The following FAM135B variants were observed in gnomAD, a reference collection of about 807,000 sequenced individuals.
FAM135B encodes the protein protein FAM135B.
Under a neutral mutation model 127.7 loss-of-function variants are expected in FAM135B, and 43 were observed. That is an observed-to-expected ratio of 0.34 (90% confidence interval 0.26 to 0.43). The LOEUF (loss-of-function observed/expected upper bound fraction) is 0.43. Ranked by LOEUF, FAM135B falls within the 20% of genes least tolerant of loss-of-function variation. The pLI, the probability that FAM135B is intolerant of heterozygous loss-of-function variation, is 1.00. For synonymous variants in FAM135B, 670 were observed against 665.1 expected (o/e 1.01, Z -0.11); for missense variants, 1,558 against 1,725.6 (o/e 0.90, Z 1.72).
rs532840649 is a variant in FAM135B, at chr8:138,421,264, G to A, written c.-19-53262C>T. Among the ~76,000 whole-genome samples the A allele has an allele frequency of 6.6e-5, 10 of 152,254 alleles. No individual in the cohort carries two copies. In the South Asian group the frequency reaches 1.9e-3, roughly 28 times the overall value. ...GGAGGCAGAGCTTGCAGTGAGCCAC[G>A]ATTGCACCACTGCATTCCAGCCAGG... On this transcript the variant is annotated intron_variant, in intron 1 of 19. Transcript: ENST00000395297.
intron 3 of FAM135B, among the ~76,000 whole-genome samples, chr8:138,304,308 A>G (rs1389359399): frequency 6.6e-6 from 1 of 152,162 alleles, no homozygotes; most frequent in African/African-American, 2.4e-5. Flanking sequence ...TAATTATTGG[A>G]CAAAATGCTT....
chr8:138,275,627 C>T (rs540181893), intron 3 of FAM135B, among the ~76,000 whole-genome samples: 4 of 152,096 alleles, frequency 2.6e-5, no homozygotes, highest in Middle Eastern at 3.4e-3. Context: ...CCCAGGAATT[C>T]GAGGCTGCAG....
At chr8:138,283,336 T>G (rs1824415615) in intron 3 of FAM135B, among the ~76,000 whole-genome samples, 1 of 152,164 alleles carries the variant, frequency 6.6e-6, no homozygotes, top group African/African-American at 2.4e-5. Context: ...TACTTATTAC[T>G]AATTGAAATA....
At chr8:138,190,348 C>T (rs1228147067) in intron 9 of FAM135B, among the ~76,000 whole-genome samples, 1 of 152,192 alleles carries the variant, frequency 6.6e-6, no homozygotes, top group African/African-American at 2.4e-5. Flanking sequence ...GTTGGCTGGA[C>T]ATGCCTCAGT....
intron 12 of FAM135B, among the ~76,000 whole-genome samples, chr8:138,153,813 C>A (rs1057103636): frequency 6.6e-6 from 1 of 152,142 alleles, no homozygotes; most frequent in African/African-American, 2.4e-5. Context: ...TGGAGCCCAC[C>A]ACAGCTAAAG....
At chr8:138,307,916 C>T (rs557378648) in intron 3 of FAM135B, among the ~76,000 whole-genome samples, 4 of 151,942 alleles carry the variant, frequency 2.6e-5, no homozygotes, top group African/African-American at 9.7e-5. Flanking sequence ...TCTTTTTTCC[C>T]GTCAGAAATG....
At chr8:138,408,149 A>T (rs956662283) in intron 1 of FAM135B, among the ~76,000 whole-genome samples, 2 of 152,232 alleles carry the variant, frequency 1.3e-5, no homozygotes, top group Non-Finnish European at 2.9e-5. Flanking sequence ...AGCCCCTAAC[A>T]AAAGACGTCA....
intron 7 of FAM135B, among the ~76,000 whole-genome samples, chr8:138,233,274 A>C (rs1820034508): frequency 6.6e-6 from 1 of 152,192 alleles, no homozygotes. Context: ...TAAACTCACC[A>C]AATTGTAGAC....
chr8:138,221,934 C>T (rs945896922), intron 7 of FAM135B, among the ~76,000 whole-genome samples: 4 of 152,162 alleles, frequency 2.6e-5, no homozygotes, highest in African/African-American at 9.7e-5. Context: ...TACAAAACTA[C>T]TAGGCATACA....
chr8:138,473,066 T>C (rs1837775280), intron 1 of FAM135B, among the ~76,000 whole-genome samples: 1 of 152,126 alleles, frequency 6.6e-6, no homozygotes, highest in African/African-American at 2.4e-5. Flanking sequence ...CTGAGATGAA[T>C]TATTTCTTCT....
chr8:138,355,727 G>A (rs1830054105), intron 2 of FAM135B, among the ~76,000 whole-genome samples: 1 of 152,168 alleles, frequency 6.6e-6, no homozygotes. Flanking sequence ...TTCCTCCTGA[G>A]AGTACCGCTC....
At chr8:138,473,642 G>T (rs1301801884) in intron 1 of FAM135B, among the ~76,000 whole-genome samples, 1 of 152,134 alleles carries the variant, frequency 6.6e-6, no homozygotes, top group Non-Finnish European at 1.5e-5. Flanking sequence ...ATTTCCTAAA[G>T]GCTCTCTAGA....
At chr8:138,158,594 AG>A (rs767717542) in intron 12 of FAM135B, among the ~76,000 whole-genome samples, 1 of 152,240 alleles carries the variant, frequency 6.6e-6, no homozygotes, top group Non-Finnish European at 1.5e-5. Context: ...CAAATTTACA[AG>A]AAAAAATCAA....
In FAM135B at chr8:138,262,568, T is replaced by C. The variant is rs186550474; in HGVS notation, c.297+3135A>G. 2.6e-5 allele frequency among the ~76,000 whole-genome samples: 4 copies of C among 152,186 alleles called. No individual in the cohort carries two copies. The East Asian group carries it at 5.8e-4, about 22-fold the overall frequency. On this transcript the variant is annotated intron_variant, in intron 4 of 19. Transcript: ENST00000395297. Reference sequence around the variant, plus strand: ...ACATGAGGACTCCAGGTACAGTTTATCAAAGGGGTGATTTACAAAGTGTGT... The same window carrying C: ...ACATGAGGACTCCAGGTACAGTTTACCAAAGGGGTGATTTACAAAGTGTGT...
chr8:138,234,039 T>C (rs1403176661), intron 7 of FAM135B, among the ~76,000 whole-genome samples: 1 of 152,104 alleles, frequency 6.6e-6, no homozygotes, highest in Non-Finnish European at 1.5e-5. Context: ...CTAGAAATAC[T>C]GGTAAGGAGC....
chr8:138,262,174 C>T (rs1822583855), intron 4 of FAM135B, among the ~76,000 whole-genome samples: 2 of 152,186 alleles, frequency 1.3e-5, no homozygotes, highest in Admixed American at 6.5e-5. Flanking sequence ...TACAACCTCA[C>T]ACGACCTAAG....
intron 7 of FAM135B, among the ~76,000 whole-genome samples, chr8:138,211,560 A>G (rs1483402832): frequency 6.6e-6 from 1 of 152,226 alleles, no homozygotes; most frequent in African/African-American, 2.4e-5. Flanking sequence ...GTTGTTAAAC[A>G]TATGGCCATG....
At position 138,155,497 on chromosome 8, in the gene FAM135B, T is replaced by G. The variant is rs533615855; in HGVS notation, c.1259-2281A>C. Reference sequence around the variant, plus strand: ...AATGCTCCAATTAAAAGACACAGACTGGCAAATTGGATAAAGAGTCAAGAC... The same window carrying G: ...AATGCTCCAATTAAAAGACACAGACGGGCAAATTGGATAAAGAGTCAAGAC... On this transcript the variant is annotated intron_variant, in intron 12 of 19. Transcript: ENST00000395297. Among the ~76,000 whole-genome samples, 7 of 152,260 alleles carry G rather than the reference T, an allele frequency of 4.6e-5. No homozygotes were observed. The South Asian group carries it at 1.2e-3, about 27-fold the overall frequency.
At chr8:138,183,570 C>G (rs919050796) in intron 9 of FAM135B, among the ~76,000 whole-genome samples, 1 of 152,214 alleles carries the variant, frequency 6.6e-6, no homozygotes, top group Non-Finnish European at 1.5e-5. Context: ...TCTTTAAACT[C>G]ACAGGATATA....
Sources: allele counts gnomAD v4.1 joint callset (sites outside exome capture counted in the v4.1 genomes callset), GRCh38; gene constraint gnomAD v4.1.1; transcripts MANE v1.5; gene names NCBI Gene and HGNC (gene_info 2026-07-23, HGNC 2026-07-21).